Variants in TBC1D22A observed in about 807,000 individuals in gnomAD.
TBC1D22A encodes putative GTPase activator.
TBC1D22A carries 38 observed loss-of-function variants against 60.2 expected under a neutral mutation model. The ratio of observed to expected loss-of-function variants is 0.63; its 90% CI spans 0.49 to 0.83. The LOEUF is 0.83. TBC1D22A is among the 40% of genes least tolerant of loss of function. The probability of loss-of-function intolerance (pLI) is 0.00; values close to 1 mark genes in which losing one functional copy is unlikely to be tolerated. For synonymous variants in TBC1D22A, 302 were observed against 281.7 expected (o/e 1.07, Z -0.72); for missense variants, 628 against 701.0 (o/e 0.90, Z 1.18).
chr22:47,098,752 G>A (rs771794372), intron 11 of TBC1D22A, among the ~76,000 whole-genome samples: 11 of 152,224 alleles, frequency 7.2e-5, no homozygotes, highest in Non-Finnish European at 1.5e-4. Context: ...CCTGTTGCCC[G>A]TTAACTTTGC....
intron 1 of TBC1D22A, 22 bp downstream of exon 1, chr22:46,762,870 A>C (rs1040792975): frequency 1.4e-6 from 2 of 1,471,204 alleles, no homozygotes. Context: ...GCGGAGGGCC[A>C]GGTCGGGGTC....
chr22:46,810,428 C>A (rs1048530121), intron 4 of TBC1D22A, among the ~76,000 whole-genome samples: 3 of 143,968 alleles, frequency 2.1e-5, no homozygotes, highest in African/African-American at 7.7e-5. Context: ...GTGTTACGTG[C>A]CCCTTTTCTC....
At chr22:47,039,018 C>T (rs2062750194) in intron 11 of TBC1D22A, among the ~76,000 whole-genome samples, 1 of 152,180 alleles carries the variant, frequency 6.6e-6, no homozygotes, top group South Asian at 2.1e-4. Flanking sequence ...ACCCAGACCT[C>T]CCTCATTAAA....
intron 3 of TBC1D22A, among the ~76,000 whole-genome samples, chr22:46,796,196 C>T (rs565299967): frequency 3.3e-5 from 5 of 152,198 alleles, no homozygotes; most frequent in African/African-American, 4.8e-5. Context: ...GGAGACAGGG[C>T]GGTACTCTGA....
At chr22:46,897,368 A>G (rs1282829406) in intron 7 of TBC1D22A, among the ~76,000 whole-genome samples, 1 of 152,108 alleles carries the variant, frequency 6.6e-6, no homozygotes, top group Non-Finnish European at 1.5e-5. Flanking sequence ...GCAGAAAGCG[A>G]CCAATGAGAG....
intron 11 of TBC1D22A, among the ~76,000 whole-genome samples, chr22:47,060,123 G>A (rs538727707): frequency 2.6e-5 from 4 of 152,076 alleles, no homozygotes; most frequent in South Asian, 4.1e-4. Flanking sequence ...TTTTATGCAC[G>A]TGTTGGCTCC....
At chr22:46,853,354 T>C (rs1443018042) in intron 4 of TBC1D22A, among the ~76,000 whole-genome samples, 1 of 152,220 alleles carries the variant, frequency 6.6e-6, no homozygotes, top group African/African-American at 2.4e-5. Flanking sequence ...AGCCGCCTCC[T>C]TCAGGATGTT....
chr22:46,872,325 A>G (rs1056401228), intron 4 of TBC1D22A, among the ~76,000 whole-genome samples: 13 of 152,322 alleles, frequency 8.5e-5, no homozygotes, highest in Non-Finnish European at 1.8e-4. Flanking sequence ...AAGGTAACAT[A>G]ATCCCGATAC....
chr22:46,774,296 C>G (rs1269509405), intron 1 of TBC1D22A: 1 of 980,932 alleles, frequency 1.0e-6, no homozygotes, highest in African/African-American at 1.7e-5. Context: ...GCAGAGGTAT[C>G]AGGAGGCCCA....
intron 4 of TBC1D22A, among the ~76,000 whole-genome samples, chr22:46,820,537 T>C (rs2085782847): frequency 1.3e-5 from 2 of 152,218 alleles, no homozygotes; most frequent in South Asian, 4.1e-4. Flanking sequence ...CATGAAATTA[T>C]GTGATTTTGA....
At chr22:47,046,759 G>C (rs570850542) in intron 11 of TBC1D22A, among the ~76,000 whole-genome samples, 2 of 152,220 alleles carry the variant, frequency 1.3e-5, no homozygotes, top group Non-Finnish European at 2.9e-5. Context: ...AGGAGCCAGA[G>C]AGCCGTTGAC....
chr22:46,775,767 C>T (rs544800041), intron 1 of TBC1D22A, among the ~76,000 whole-genome samples: 1 of 152,266 alleles, frequency 6.6e-6, no homozygotes, highest in Non-Finnish European at 1.5e-5. Flanking sequence ...GCCACCTTTA[C>T]AGCAGCTCAC....
chr22:47,112,686 A>G (rs2147727473), intron 12 of TBC1D22A, among the ~76,000 whole-genome samples: 1 of 152,248 alleles, frequency 6.6e-6, no homozygotes, highest in Non-Finnish European at 1.5e-5. Context: ...TCGCAGGTGG[A>G]TGGGACAAGA....
chr22:47,152,886 C>G (rs2067561828), intron 12 of TBC1D22A, among the ~76,000 whole-genome samples: 1 of 151,982 alleles, frequency 6.6e-6, no homozygotes. Context: ...AGGGAGACCC[C>G]CTGAGAGCGT....
At chr22:47,106,069 T>A (rs935011474) in intron 11 of TBC1D22A, among the ~76,000 whole-genome samples, 1 of 152,120 alleles carries the variant, frequency 6.6e-6, no homozygotes, top group Non-Finnish European at 1.5e-5. Context: ...TGAAACAAAT[T>A]GTGACAAAGT....
At chr22:46,785,689 G>A (rs1601852765) in intron 1 of TBC1D22A, among the ~76,000 whole-genome samples, 1 of 152,134 alleles carries the variant, frequency 6.6e-6, no homozygotes, top group Non-Finnish European at 1.5e-5. Flanking sequence ...TCAAATAAAT[G>A]GAATAATATA....
rs367825282 is a variant in TBC1D22A at position 47,086,454 on chromosome 22, T to TCAAACAAA, written c.1330-25036_1330-25029dup. ...TGGGCGACAAGAGTGAAACCCCATC[T>TCAAACAAA]CAAACAAACAAACAAACAAACAAAC... is the stretch of plus-strand genomic sequence containing the variant. On this transcript the variant is annotated intron_variant, in intron 11 of 12. Transcript: ENST00000337137. Among the ~76,000 whole-genome samples the TCAAACAAA allele has an allele frequency of 8.0e-3, 1,211 of 152,148 alleles. 8 individuals carry two copies. Among genetic ancestry groups the TCAAACAAA allele is most frequent in the Middle Eastern group, 0.024 (7 of 294 alleles).
At chr22:46,896,596 C>A (rs2068689371) in intron 7 of TBC1D22A, among the ~76,000 whole-genome samples, 1 of 152,150 alleles carries the variant, frequency 6.6e-6, no homozygotes, top group Admixed American at 6.5e-5. Flanking sequence ...CAGCTCATCT[C>A]CCATATTTGT....
At chr22:47,022,728 C>T (rs2062131211) in intron 10 of TBC1D22A, among the ~76,000 whole-genome samples, 1 of 152,104 alleles carries the variant, frequency 6.6e-6, no homozygotes, top group Non-Finnish European at 1.5e-5. Flanking sequence ...TGTCTGTTCT[C>T]CAAAGCAAGA....
Sources: allele counts gnomAD v4.1 joint callset (sites outside exome capture counted in the v4.1 genomes callset), GRCh38; gene constraint gnomAD v4.1.1; transcripts MANE v1.5; gene names NCBI Gene and HGNC (gene_info 2026-07-23, HGNC 2026-07-21).